The following ENPP1 variants were observed in gnomAD, a reference collection of about 807,000 sequenced individuals.
The protein encoded by ENPP1 is ectonucleotide pyrophosphatase/phosphodiesterase family member 1.
Under a neutral mutation model 122.8 loss-of-function variants are expected in ENPP1, and 73 were observed. The ratio of observed to expected loss-of-function variants is 0.59; its 90% CI spans 0.49 to 0.72. ENPP1 has a LOEUF of 0.72. Among genes scored for constraint, ENPP1 ranks in the 30% least tolerant of loss-of-function variants. The pLI, the probability that ENPP1 is intolerant of heterozygous loss-of-function variation, is 0.00. For missense variants in ENPP1, 978 were observed against 1,128.1 expected (o/e 0.87, Z 1.91); for synonymous variants, 367 against 391.6 (o/e 0.94, Z 0.74).
chr6:131,823,515 A>G (rs952047476), intron 1 of ENPP1, among the ~76,000 whole-genome samples: 10 of 152,234 alleles, frequency 6.6e-5, no homozygotes, highest in Non-Finnish European at 7.4e-5. Flanking sequence ...CACGCCTTCT[A>G]TGACATTCAG....
At chr6:131,876,556 G>A (rs977009925) in intron 17 of ENPP1, among the ~76,000 whole-genome samples, 2 of 152,280 alleles carry the variant, frequency 1.3e-5, no homozygotes, top group Middle Eastern at 3.4e-3. Context: ...TTAAGAGCAT[G>A]AGTCTTAGAC....
At chr6:131,827,056 G>A (rs1781555023) in intron 1 of ENPP1, 1 of 593,238 alleles carries the variant, frequency 1.7e-6, no homozygotes, top group Non-Finnish European at 3.2e-6. Context: ...GCAGACGGCA[G>A]CTTCACCTCC....
At chr6:131,822,380 C>T (rs998854532) in intron 1 of ENPP1, among the ~76,000 whole-genome samples, 7 of 151,944 alleles carry the variant, frequency 4.6e-5, no homozygotes, top group South Asian at 2.1e-4. Flanking sequence ...TTTCCTTAAC[C>T]GTAATATGAG....
At chr6:131,827,570 G>A (rs534193699) in intron 1 of ENPP1, 18 of 596,130 alleles carry the variant, frequency 3.0e-5, no homozygotes, top group South Asian at 2.2e-4. Flanking sequence ...AATTTAAAGA[G>A]TGATGTAGGT....
chr6:131,850,675 C>A (rs991274699), intron 3 of ENPP1, among the ~76,000 whole-genome samples: 3 of 152,124 alleles, frequency 2.0e-5, no homozygotes, highest in Non-Finnish European at 4.4e-5. Context: ...CTCAAGAGAT[C>A]CTCCTGCCTC....
chr6:131,817,794 T>C (rs1357429847), intron 1 of ENPP1, among the ~76,000 whole-genome samples: 1 of 141,298 alleles, frequency 7.1e-6, no homozygotes, highest in Non-Finnish European at 1.6e-5. Flanking sequence ...CACGTGTGTA[T>C]GTACATATCT....
At position 131,852,241 on chromosome 6, in the gene ENPP1, A is replaced by C; in HGVS notation, c.617+6A>C. Reference sequence around the variant, plus strand: ...GAGCCACAGTGCCCAGCAGGGTAAGATTATATTCTGAGGTATTAATTTTTT... The same window carrying C: ...GAGCCACAGTGCCCAGCAGGGTAAGCTTATATTCTGAGGTATTAATTTTTT... On this transcript the variant is annotated splice_donor_region_variant and intron_variant, in intron 5 of 24. Coordinates refer to ENST00000647893, the MANE Select transcript of ENPP1 (RefSeq NM_006208.3). 6.3e-7 allele frequency: 1 copy of C among 1,585,796 alleles called. No homozygotes were observed. Among genetic ancestry groups the C allele is most frequent in the Non-Finnish European group, 8.6e-7 (1 of 1,160,228 alleles).
intron 1 of ENPP1, among the ~76,000 whole-genome samples, chr6:131,832,209 A>G (rs975046283): frequency 3.3e-5 from 5 of 151,538 alleles, no homozygotes; most frequent in African/African-American, 9.7e-5. Flanking sequence ...TTAATATTAT[A>G]TAACCATAAA....
intron 1 of ENPP1, among the ~76,000 whole-genome samples, chr6:131,831,539 C>A (rs928331359): frequency 6.6e-6 from 1 of 152,138 alleles, no homozygotes; most frequent in African/African-American, 2.4e-5. Context: ...CTTGGCGAAG[C>A]GTCTCAGACT....
At chr6:131,840,397 G>A (rs1781725268) in intron 1 of ENPP1, among the ~76,000 whole-genome samples, 1 of 152,228 alleles carries the variant, frequency 6.6e-6, no homozygotes, top group Non-Finnish European at 1.5e-5. Flanking sequence ...TGGCATTTAA[G>A]AAAATAGGAA....
chr6:131,818,857 T>C (rs1232766118), intron 1 of ENPP1, among the ~76,000 whole-genome samples: 1 of 152,182 alleles, frequency 6.6e-6, no homozygotes, highest in Non-Finnish European at 1.5e-5. Flanking sequence ...CCATTTTTAT[T>C]TGAAAGAACT....
intron 11 of ENPP1, among the ~76,000 whole-genome samples, chr6:131,866,218 A>C (rs1782089532): frequency 6.6e-6 from 1 of 152,016 alleles, no homozygotes; most frequent in Admixed American, 6.6e-5. Context: ...CTGTGATTCC[A>C]AGGGGTCATA....
rs769718576 is a variant in ENPP1, at chr6:131,880,029, A to C, written c.2095A>C (p.Arg699=). The change falls in exon 20 of 25, where the codon AGA becomes CGA. Residue 699 remains arginine (R), a synonymous_variant. Transcript: ENST00000647893. The part of the protein sequence containing the change: ...MPLWTSYTVD[R]NDSFSTEDFS... The stretch of plus-strand genomic sequence containing the variant: ...CCTTTGGACATCCTATACCGTGGAC[A>C]GAAATGCAAGTATTTGTCACCTCTT... 1 of 1,614,094 alleles carries C rather than the reference A, an allele frequency of 6.2e-7. No individual in the cohort carries two copies. The highest frequency in any genetic ancestry group is 8.5e-7 in the Non-Finnish European group (1 of 1,179,922).
At chr6:131,831,058 A>G (rs1307536109) in intron 1 of ENPP1, among the ~76,000 whole-genome samples, 21 of 145,312 alleles carry the variant, frequency 1.4e-4, no homozygotes, top group Non-Finnish European at 2.1e-4. Context: ...GGTTGCAGTG[A>G]GCCAAGATCA....
chr6:131,884,065 G>A (rs1038087204), intron 22 of ENPP1, among the ~76,000 whole-genome samples: 2 of 151,862 alleles, frequency 1.3e-5, no homozygotes, highest in Admixed American at 6.6e-5. Flanking sequence ...ACTTTCATTC[G>A]GCTTCCTTAT....
chr6:131,882,329 C>T lies in ENPP1; in HGVS notation c.2101-16C>T. 1 of 1,556,024 alleles carries T rather than the reference C, an allele frequency of 6.4e-7. No individual in the cohort carries two copies. Among genetic ancestry groups the T allele is most frequent in the Non-Finnish European group, 8.6e-7 (1 of 1,162,142 alleles). On this transcript the variant is annotated splice_polypyrimidine_tract_variant and intron_variant, in intron 20 of 24. Transcript: ENST00000647893. ...GTGCCTGATATCTGAGAGTTCTTCT[C>T]ATTTTCGTTCTTCAGGACAGTTTCT...
At chr6:131,816,243 T>C (rs919353058) in intron 1 of ENPP1, among the ~76,000 whole-genome samples, 3 of 152,200 alleles carry the variant, frequency 2.0e-5, no homozygotes, top group Non-Finnish European at 2.9e-5. Context: ...TCTTTTTTTT[T>C]CTTACTATGG....
At position 131,862,091 on chromosome 6, in the gene ENPP1, C is replaced by A. The variant is rs562445364; in HGVS notation, c.1025+387C>A. Among the ~76,000 whole-genome samples, 3 of 152,166 alleles carry A rather than the reference C, an allele frequency of 2.0e-5. No individual in the cohort carries two copies. In the East Asian group the frequency reaches 5.8e-4, roughly 29 times the overall value. On this transcript the variant is annotated intron_variant, in intron 9 of 24. Coordinates refer to ENST00000647893, the MANE Select transcript of ENPP1 (RefSeq NM_006208.3). The stretch of plus-strand genomic sequence containing the variant: ...GGCTGAGGCAGGAGAATCACTTGAA[C>A]CTGTGAGGCGGAGGTTGCAGTGAGC...
rs554014970 is a variant in ENPP1 at position 131,890,636 on chromosome 6, A to G, written c.*125A>G. ...CAGAGTTAGAACGGAGCCCTCGGTG[A>G]TGCGGACATCTCAGGGAAACTTGCG... On this transcript the variant is annotated 3_prime_UTR_variant, in exon 25 of 25. Coordinates refer to ENST00000647893, the MANE Select transcript of ENPP1 (RefSeq NM_006208.3). 2.4e-5 allele frequency: 20 copies of G among 822,778 alleles called. No individual in the cohort carries two copies. The highest frequency in any genetic ancestry group is 3.5e-5 in the Non-Finnish European group (17 of 489,918). 51.0% of individuals were successfully genotyped at this position (822,778 alleles called of 1,614,324 possible).
Sources: allele counts gnomAD v4.1 joint callset (sites outside exome capture counted in the v4.1 genomes callset), GRCh38; gene constraint gnomAD v4.1.1; transcripts MANE v1.5; gene names NCBI Gene and HGNC (gene_info 2026-07-23, HGNC 2026-07-21).